KHDRBS3: variants seen among roughly 807,000 people sequenced by gnomAD.
KHDRBS3 encodes KH RNA binding domain containing, signal transduction associated 3.
In KHDRBS3, 23 loss-of-function variants were observed where a neutral mutation model predicts 45.6. That is an observed-to-expected ratio of 0.50 (90% CI 0.36 to 0.72). The LOEUF (loss-of-function observed/expected upper bound fraction) is 0.72, where lower values mean the gene tolerates loss of function less well. Ranked by LOEUF, KHDRBS3 falls within the 30% of genes least tolerant of loss-of-function variation. The probability of loss-of-function intolerance (pLI) is 0.00; values close to 1 mark genes in which losing one functional copy is unlikely to be tolerated. For missense variants in KHDRBS3, 352 were observed against 424.8 expected (o/e 0.83, Z 1.51); for synonymous variants, 162 against 156.5 (o/e 1.04, Z -0.26).
At chr8:135,607,273 A>G (rs548655045) in intron 7 of KHDRBS3, among the ~76,000 whole-genome samples, 33 of 152,372 alleles carry the variant, frequency 2.2e-4, no homozygotes, top group Non-Finnish European at 3.7e-4. Context: ...TAGTCTAAAA[A>G]TTCAACTTAA....
At chr8:135,498,338 C>T (rs868371002) in intron 1 of KHDRBS3, among the ~76,000 whole-genome samples, 36 of 148,520 alleles carry the variant, frequency 2.4e-4, no homozygotes, top group Middle Eastern at 3.4e-3. Flanking sequence ...GCCATCCTCC[C>T]TAGGGTGGCC....
At chr8:135,541,201 T>C (rs368354913) in intron 2 of KHDRBS3, 1 of 152,156 alleles carries the variant, frequency 6.6e-6, no homozygotes, top group East Asian at 1.9e-4. Flanking sequence ...AATTTAGAGA[T>C]AGCAGTCCAT....
At chr8:135,478,025 AC>A (rs1385832789) in intron 1 of KHDRBS3, among the ~76,000 whole-genome samples, 1 of 152,118 alleles carries the variant, frequency 6.6e-6, no homozygotes, top group Non-Finnish European at 1.5e-5. Flanking sequence ...AGGAGTACAA[AC>A]CCTGCTGTGA....
chr8:135,543,595 G>A (rs376304867), intron 3 of KHDRBS3, among the ~76,000 whole-genome samples: 54 of 152,244 alleles, frequency 3.5e-4, no homozygotes, highest in African/African-American at 1.3e-3. Flanking sequence ...GCCAGTATTT[G>A]TTTATTCAGC....
chr8:135,562,675 G>A (rs900168568), intron 5 of KHDRBS3, among the ~76,000 whole-genome samples: 1 of 152,168 alleles, frequency 6.6e-6, no homozygotes, highest in African/African-American at 2.4e-5. Flanking sequence ...CCAAGGGTAA[G>A]GTCAGTACAC....
intron 6 of KHDRBS3, among the ~76,000 whole-genome samples, chr8:135,591,292 A>G (rs1207731935): frequency 6.6e-6 from 1 of 152,254 alleles, no homozygotes; most frequent in East Asian, 1.9e-4. Flanking sequence ...CATAAAAGTT[A>G]TTATACAGAA....
intron 7 of KHDRBS3, among the ~76,000 whole-genome samples, chr8:135,630,892 G>A (rs1304583017): frequency 6.6e-6 from 1 of 152,162 alleles, no homozygotes; most frequent in Non-Finnish European, 1.5e-5. Flanking sequence ...GGCCTGGGAC[G>A]TTACTATGCA....
intron 3 of KHDRBS3, among the ~76,000 whole-genome samples, chr8:135,545,816 TG>T (rs1398517719): frequency 4.6e-5 from 7 of 152,166 alleles, no homozygotes; most frequent in Non-Finnish European, 7.4e-5. Flanking sequence ...TGACCACAGA[TG>T]ATCATTTAAG....
chr8:135,606,628 A>G (rs1829476267), intron 6 of KHDRBS3, among the ~76,000 whole-genome samples: 1 of 152,138 alleles, frequency 6.6e-6, no homozygotes, highest in African/African-American at 2.4e-5. Context: ...ACAAGTTAGA[A>G]TAGCGCAAAG....
At chr8:135,655,391 G>A (rs1262023565) in intron 4 of KHDRBS3, among the ~76,000 whole-genome samples, 1 of 152,186 alleles carries the variant, frequency 6.6e-6, no homozygotes, top group Admixed American at 6.5e-5. Context: ...TTTGAAAGTC[G>A]AAATCTTGCA....
At chr8:135,556,816 C>T (rs1826909424) in intron 4 of KHDRBS3, among the ~76,000 whole-genome samples, 1 of 152,154 alleles carries the variant, frequency 6.6e-6, no homozygotes, top group Non-Finnish European at 1.5e-5. Context: ...TCAAGGACCA[C>T]TCCTAGAGTT....
At chr8:135,555,185 T>C (rs1043576643) in intron 4 of KHDRBS3, among the ~76,000 whole-genome samples, 1 of 152,228 alleles carries the variant, frequency 6.6e-6, no homozygotes, top group African/African-American at 2.4e-5. Context: ...GTGGCTTTTA[T>C]AATGTAATAT....
At chr8:135,461,393 G>A (rs538154774) in intron 1 of KHDRBS3, among the ~76,000 whole-genome samples, 203 of 152,246 alleles carry the variant, frequency 1.3e-3, no homozygotes, top group Non-Finnish European at 2.0e-3. Flanking sequence ...GTGAGCCACC[G>A]TGCCTGGCCT....
intron 1 of KHDRBS3, among the ~76,000 whole-genome samples, chr8:135,459,140 T>C (rs1586537396): frequency 6.6e-6 from 1 of 152,302 alleles, no homozygotes; most frequent in South Asian, 2.1e-4. Context: ...TTTTTTATTG[T>C]TGGAAGTGAA....
chr8:135,553,834 A>G (rs1349639269), intron 4 of KHDRBS3, among the ~76,000 whole-genome samples: 1 of 152,202 alleles, frequency 6.6e-6, no homozygotes, highest in African/African-American at 2.4e-5. Context: ...TTTACAATTC[A>G]TGATGGTGTT....
At chr8:135,632,664 T>C (rs1331156994) in intron 7 of KHDRBS3, among the ~76,000 whole-genome samples, 1 of 152,120 alleles carries the variant, frequency 6.6e-6, no homozygotes, top group Non-Finnish European at 1.5e-5. Flanking sequence ...AATTCTGTTT[T>C]TTTTCTTGGA....
At chr8:135,532,054 C>T (rs552817672) in intron 2 of KHDRBS3, among the ~76,000 whole-genome samples, 1 of 152,240 alleles carries the variant, frequency 6.6e-6, no homozygotes, top group South Asian at 2.1e-4. Context: ...CAAAGCTTGA[C>T]TCAGTTAGCA....
At chr8:135,458,129 G>C in intron 1 of KHDRBS3, 175 bp downstream of exon 1, 1 of 1,378,520 alleles carries the variant, frequency 7.3e-7, no homozygotes, top group Non-Finnish European at 9.4e-7. Context: ...GACACCTAGG[G>C]GAAGACCCTG....
At chr8:135,485,395 C>A (rs1822802947) in intron 1 of KHDRBS3, among the ~76,000 whole-genome samples, 1 of 152,102 alleles carries the variant, frequency 6.6e-6, no homozygotes, top group African/African-American at 2.4e-5. Context: ...TGCCAGGTAT[C>A]TACACGGTAG....
Sources: gnomAD v4.1 joint callset for allele counts (sites outside exome capture counted in the v4.1 genomes callset) on GRCh38, gnomAD v4.1.1 for gene constraint, MANE v1.5 for transcripts, NCBI Gene and HGNC (gene_info 2026-07-23, HGNC 2026-07-21) for gene names.